EFCAB10: variants seen among roughly 807,000 people sequenced by gnomAD.
The protein encoded by EFCAB10 is EF-hand calcium-binding domain-containing protein 10.
Under a neutral mutation model 7.7 loss-of-function variants are expected in EFCAB10, and 7 were observed. The ratio of observed to expected loss-of-function variants is 0.91; its 90% CI spans 0.52 to 1.72. EFCAB10 has a LOEUF of 1.72. Among genes scored for constraint, EFCAB10 ranks in the 40% most tolerant of loss-of-function variants. EFCAB10 has a pLI of 0.00. For missense variants in EFCAB10, 112 were observed against 61.5 expected (o/e 1.82, Z -2.74); for synonymous variants, 52 against 21.0 (o/e 2.47, Z -4.03).
At chr7:105,579,018 C>A (rs898115527) in intron 1 of EFCAB10, among the ~76,000 whole-genome samples, 1 of 152,178 alleles carries the variant, frequency 6.6e-6, no homozygotes, top group Non-Finnish European at 1.5e-5. Flanking sequence ...AGTGATCCAC[C>A]CGCCTTGGCC....
In EFCAB10 at chr7:105,565,327, G is replaced by T. The variant is rs1396876913; in HGVS notation, c.*120C>A. ...GAGCAGGCAGTGATGTCCCTGTCCA[G>T]TTCGGCTTGCCCGTTGCTGCTGACG... On this transcript the variant is annotated 3_prime_UTR_variant, in exon 5 of 5. Coordinates refer to ENST00000480514, the MANE Select transcript of EFCAB10 (RefSeq NM_001355526.2). 2 of 1,614,204 alleles carry T rather than the reference G, an allele frequency of 1.2e-6. No individual in the cohort carries two copies. Among genetic ancestry groups the T allele is most frequent in the Non-Finnish European group, 1.7e-6 (2 of 1,180,026 alleles).
chr7:105,579,166 A>C (rs953556579), intron 1 of EFCAB10, among the ~76,000 whole-genome samples: 1 of 152,268 alleles, frequency 6.6e-6, no homozygotes, highest in African/African-American at 2.4e-5. Context: ...TCAGGAAGCC[A>C]CTAAAGGATA....
intron 1 of EFCAB10, among the ~76,000 whole-genome samples, chr7:105,577,157 C>T (rs897286867): frequency 6.6e-6 from 1 of 152,156 alleles, no homozygotes; most frequent in East Asian, 1.9e-4. Context: ...GACTTCCCTT[C>T]CACCAAAGAG....
intron 1 of EFCAB10, among the ~76,000 whole-genome samples, chr7:105,580,254 T>C (rs1163654670): frequency 1.3e-5 from 2 of 151,978 alleles, no homozygotes; most frequent in Admixed American, 6.6e-5. Context: ...TCCCAGAGCG[T>C]TGGTATTATA....
intron 1 of EFCAB10, chr7:105,572,135 G>C (rs1403158891): frequency 6.6e-6 from 1 of 152,156 alleles, no homozygotes; most frequent in Non-Finnish European, 1.5e-5. Flanking sequence ...TAGTCACCAT[G>C]ATATACAGTA....
intron 1 of EFCAB10, chr7:105,571,012 G>A (rs1017211733): frequency 6.6e-5 from 10 of 151,524 alleles, no homozygotes; most frequent in Admixed American, 1.3e-4. Context: ...GCGACGGAAC[G>A]AGACTCCGTT....
intron 1 of EFCAB10, 145 bp from the exon 2 acceptor site, chr7:105,569,716 C>T: frequency 1.7e-6 from 1 of 580,210 alleles, no homozygotes; most frequent in East Asian, 2.8e-5. Flanking sequence ...CATAAACAGT[C>T]CAGCAAGAAG....
intron 3 of EFCAB10, among the ~76,000 whole-genome samples, chr7:105,568,965 A>G (rs1791864992): frequency 6.6e-6 from 1 of 151,688 alleles, no homozygotes; most frequent in Non-Finnish European, 1.5e-5. Context: ...AAAAAAAAAA[A>G]AAAAAAAGAA....
At chr7:105,580,666 T>C (rs1264988527) in intron 1 of EFCAB10, among the ~76,000 whole-genome samples, 1 of 152,252 alleles carries the variant, frequency 6.6e-6, no homozygotes, top group East Asian at 1.9e-4. Flanking sequence ...ATGTTTGGTA[T>C]TTCCACTTCC....
At chr7:105,578,329 G>A (rs574668460) in intron 1 of EFCAB10, among the ~76,000 whole-genome samples, 3 of 152,208 alleles carry the variant, frequency 2.0e-5, no homozygotes, top group Admixed American at 2.0e-4. Flanking sequence ...ATTCTCAAGA[G>A]AATCTGCAGA....
chr7:105,574,120 G>A (rs1039268828), intron 1 of EFCAB10, among the ~76,000 whole-genome samples: 1 of 5,232 alleles, frequency 1.9e-4, no homozygotes, highest in Admixed American at 3.6e-3. Flanking sequence ...CACACAATGT[G>A]TGTGTATATA....
intron 1 of EFCAB10, among the ~76,000 whole-genome samples, chr7:105,577,711 T>C (rs1186118670): frequency 6.7e-6 from 1 of 149,138 alleles, no homozygotes; most frequent in Non-Finnish European, 1.5e-5. Context: ...CTTTTGTCTG[T>C]TCAATTTTTT....
intron 4 of EFCAB10, chr7:105,565,653 G>A (rs1562862491): frequency 1.3e-6 from 2 of 1,529,368 alleles, no homozygotes; most frequent in South Asian, 1.1e-5. Context: ...TAAACAGTAA[G>A]CTCAACATTT....
intron 1 of EFCAB10, chr7:105,571,795 G>C (rs1188889366): frequency 6.6e-6 from 1 of 150,904 alleles, no homozygotes; most frequent in African/African-American, 2.4e-5. Flanking sequence ...TTACAGTCCT[G>C]ATTTAGCTCC....
chr7:105,565,175 A>G lies in EFCAB10; in HGVS notation c.*272T>C. Reference sequence around the variant, plus strand: ...TTAGGCTGTATATTTTTTCTTATCCAAAATGCCCTAGGACAGAACACTTCC... The same window carrying G: ...TTAGGCTGTATATTTTTTCTTATCCGAAATGCCCTAGGACAGAACACTTCC... On this transcript the variant is annotated 3_prime_UTR_variant, in exon 5 of 5. Coordinates refer to ENST00000480514, the MANE Select transcript of EFCAB10 (RefSeq NM_001355526.2). 1.0e-6 allele frequency: 1 copy of G among 969,736 alleles called. No individual in the cohort carries two copies. Among genetic ancestry groups the G allele is most frequent in the African/African-American group, 1.6e-5 (1 of 61,076 alleles). The allele number at this position is 969,736 out of a possible 1,614,324, so 60.1% of individuals were successfully genotyped here.
At chr7:105,577,682 C>G (rs531263716) in intron 1 of EFCAB10, among the ~76,000 whole-genome samples, 1 of 151,794 alleles carries the variant, frequency 6.6e-6, no homozygotes, top group South Asian at 2.1e-4. Flanking sequence ...ATTCAGTTGA[C>G]CCATTGGCTG....
At chr7:105,571,466 C>T (rs1003955112) in intron 1 of EFCAB10, 2 of 152,160 alleles carry the variant, frequency 1.3e-5, no homozygotes, top group African/African-American at 4.8e-5. Flanking sequence ...CAAAGACAAA[C>T]CCAATCAAAG....
rs189466945 is a variant in EFCAB10 at position 105,580,568 on chromosome 7, T to C, written c.106+790A>G. ...CGTGCCCGGCCTTTTTTTTTCTTTC[T>C]AATATTTGTTTTAATACTTTAAAAC... On this transcript the variant is annotated intron_variant, in intron 1 of 4. Transcript: ENST00000480514. Among the ~76,000 whole-genome samples, 3 of 152,230 alleles carry C rather than the reference T, an allele frequency of 2.0e-5. No individual in the cohort carries two copies. In the East Asian group the frequency reaches 5.8e-4, roughly 29 times the overall value.
At chr7:105,578,088 T>G (rs538793120) in intron 1 of EFCAB10, among the ~76,000 whole-genome samples, 1 of 152,208 alleles carries the variant, frequency 6.6e-6, no homozygotes, top group Admixed American at 6.5e-5. Context: ...TTGTTGTTCA[T>G]ATCATGTTTA....
Sources: allele counts gnomAD v4.1 joint callset (sites outside exome capture counted in the v4.1 genomes callset), GRCh38; gene constraint gnomAD v4.1.1; transcripts MANE v1.5; gene names NCBI Gene and HGNC (gene_info 2026-07-23, HGNC 2026-07-21).